GABBR2: variants seen among roughly 807,000 people sequenced by gnomAD.
GABBR2 encodes the protein G-protein coupled receptor 51.
Under a neutral mutation model 105.6 loss-of-function variants are expected in GABBR2, and 23 were observed. The observed-to-expected ratio is 0.22, with a 90% CI of 0.16 to 0.31. GABBR2 has a LOEUF of 0.31. Ranked by LOEUF, GABBR2 falls within the 10% of genes least tolerant of loss-of-function variation. The probability of loss-of-function intolerance (pLI) is 1.00; values close to 1 mark genes in which losing one functional copy is unlikely to be tolerated. For synonymous variants in GABBR2, 478 were observed against 499.7 expected, an observed-to-expected ratio of 0.96 and a Z score of 0.58; for missense variants, 734 against 1,245.5, an observed-to-expected ratio of 0.59 and a Z score of 6.18.
intron 2 of GABBR2, among the ~76,000 whole-genome samples, chr9:98,565,804 G>T (rs564396897): frequency 6.6e-6 from 1 of 152,288 alleles, no homozygotes; most frequent in Non-Finnish European, 1.5e-5. Flanking sequence ...GTGAACCCCA[G>T]CCTATCTGCC....
At chr9:98,605,768 G>A (rs557462424) in intron 1 of GABBR2, among the ~76,000 whole-genome samples, 7 of 152,272 alleles carry the variant, frequency 4.6e-5, no homozygotes, top group Admixed American at 2.0e-4. Context: ...TGTTCTCCTC[G>A]AGTTCATGTG....
At chr9:98,642,393 CTA>C (rs1467441973) in intron 1 of GABBR2, among the ~76,000 whole-genome samples, 1 of 152,240 alleles carries the variant, frequency 6.6e-6, no homozygotes, top group Admixed American at 6.5e-5. Context: ...TCAGCAGTCT[CTA>C]TGCCTCTTCC....
At chr9:98,651,349 G>A (rs190969216) in intron 1 of GABBR2, among the ~76,000 whole-genome samples, 283 of 152,008 alleles carry the variant, frequency 1.9e-3, no homozygotes, top group African/African-American at 6.6e-3. Context: ...TCACCATGTT[G>A]GCCAGGCTGG....
At chr9:98,370,774 AGTG>A (rs1831766435) in intron 12 of GABBR2, among the ~76,000 whole-genome samples, 1 of 152,226 alleles carries the variant, frequency 6.6e-6, no homozygotes, top group South Asian at 2.1e-4. Context: ...TAAAGAGGAC[AGTG>A]GTGGATAAAG....
intron 1 of GABBR2, among the ~76,000 whole-genome samples, chr9:98,626,339 T>G (rs1829736051): frequency 6.6e-6 from 1 of 152,218 alleles, no homozygotes; most frequent in Non-Finnish European, 1.5e-5. Flanking sequence ...GTTGCACAAC[T>G]CTGTGAATAT....
chr9:98,443,060 G>A (rs1046366796), intron 7 of GABBR2, among the ~76,000 whole-genome samples: 2 of 152,198 alleles, frequency 1.3e-5, no homozygotes, highest in African/African-American at 4.8e-5. Flanking sequence ...TCCATAACAG[G>A]TGAATGTGAG....
chr9:98,527,653 T>G (rs909547029), intron 3 of GABBR2, among the ~76,000 whole-genome samples: 4 of 151,892 alleles, frequency 2.6e-5, no homozygotes, highest in African/African-American at 9.7e-5. Context: ...TAACCGTTCA[T>G]GGAAAGGACC....
intron 1 of GABBR2, among the ~76,000 whole-genome samples, chr9:98,670,199 T>C (rs892994577): frequency 7.2e-5 from 11 of 152,172 alleles, no homozygotes; most frequent in African/African-American, 2.7e-4. Flanking sequence ...AAGTGTACAA[T>C]TCAATACTTT....
At chr9:98,307,023 G>A (rs1830562306) in intron 14 of GABBR2, among the ~76,000 whole-genome samples, 1 of 152,172 alleles carries the variant, frequency 6.6e-6, no homozygotes, top group Non-Finnish European at 1.5e-5. Context: ...TGGAGCTTCA[G>A]CATCCGTCTT....
intron 7 of GABBR2, among the ~76,000 whole-genome samples, chr9:98,422,361 G>C (rs1312634198): frequency 2.0e-5 from 3 of 152,182 alleles, no homozygotes; most frequent in African/African-American, 7.2e-5. Flanking sequence ...TGTCACAGGA[G>C]CAGGCATTCA....
chr9:98,361,809 G>A (rs1342371964), intron 13 of GABBR2, among the ~76,000 whole-genome samples: 1 of 152,152 alleles, frequency 6.6e-6, no homozygotes, highest in Non-Finnish European at 1.5e-5. Flanking sequence ...TGCTCTGAAT[G>A]CATGCATAAC....
chr9:98,633,362 C>A (rs539475153), intron 1 of GABBR2, among the ~76,000 whole-genome samples: 1 of 152,282 alleles, frequency 6.6e-6, no homozygotes, highest in East Asian at 1.9e-4. Flanking sequence ...GTGGCTTACG[C>A]CCGTAATCCC....
At chr9:98,318,280 C>A (rs1830754118) in intron 13 of GABBR2, among the ~76,000 whole-genome samples, 2 of 152,136 alleles carry the variant, frequency 1.3e-5, no homozygotes, top group South Asian at 4.1e-4. Flanking sequence ...CAGGGGCCAC[C>A]CTTTGGGCAG....
intron 1 of GABBR2, among the ~76,000 whole-genome samples, chr9:98,627,411 T>C (rs1409018539): frequency 6.6e-6 from 1 of 152,262 alleles, no homozygotes; most frequent in East Asian, 1.9e-4. Flanking sequence ...GTGTATGAGA[T>C]GGAGAGAGTT....
Position 98,400,195 on chromosome 9 carries a change from T to A in GABBR2, c.1297+5886A>T, listed in dbSNP as rs547290310. Among the ~76,000 whole-genome samples the A allele has an allele frequency of 3.7e-3, 546 of 146,082 alleles. 2 individuals carry two copies. Among genetic ancestry groups the A allele is most frequent in the African/African-American group, 0.013 (498 of 38,128 alleles). ...GAGGGAGACCCTGCCTTTTTTTTTT[T>A]TAAAAAAAAAAGAAAAAAAGAAAAG... On this transcript the variant is annotated intron_variant, in intron 8 of 18. Coordinates refer to ENST00000259455, the MANE Select transcript of GABBR2 (RefSeq NM_005458.8).
intron 13 of GABBR2, among the ~76,000 whole-genome samples, chr9:98,358,181 G>C (rs1420944036): frequency 6.6e-6 from 1 of 152,204 alleles, no homozygotes; most frequent in Non-Finnish European, 1.5e-5. Flanking sequence ...ACCCAGGCTT[G>C]GGTCTCCTTG....
At chr9:98,643,132 C>A (rs1829988069) in intron 1 of GABBR2, among the ~76,000 whole-genome samples, 2 of 152,366 alleles carry the variant, frequency 1.3e-5, no homozygotes, top group East Asian at 1.9e-4. Context: ...TTGAGCAGGA[C>A]CCTGCCATGG....
At chr9:98,419,309 C>T (rs1015814875) in intron 7 of GABBR2, among the ~76,000 whole-genome samples, 1 of 152,318 alleles carries the variant, frequency 6.6e-6, no homozygotes, top group East Asian at 1.9e-4. Flanking sequence ...ACACTGGTTG[C>T]AGTGTCTCCT....
intron 1 of GABBR2, among the ~76,000 whole-genome samples, chr9:98,675,589 G>A (rs1414418377): frequency 6.6e-6 from 1 of 152,220 alleles, no homozygotes; most frequent in Non-Finnish European, 1.5e-5. Context: ...AGTTTTAGCT[G>A]TGTAGGGCTA....
Sources: gnomAD v4.1 joint callset for allele counts (sites outside exome capture counted in the v4.1 genomes callset) on GRCh38, gnomAD v4.1.1 for gene constraint, MANE v1.5 for transcripts, NCBI Gene and HGNC (gene_info 2026-07-23, HGNC 2026-07-21) for gene names.